The following CSNK1A1 variants were observed in gnomAD, a reference collection of about 807,000 sequenced individuals.
CSNK1A1 encodes the protein casein kinase I isoform alpha.
CSNK1A1 carries 7 observed loss-of-function variants against 46.1 expected under a neutral mutation model. The ratio of observed to expected loss-of-function variants is 0.15; its 90% CI spans 0.09 to 0.29. CSNK1A1 has a LOEUF of 0.29. CSNK1A1 is among the 10% of genes least tolerant of loss of function. CSNK1A1 has a pLI of 1.00. For synonymous variants in CSNK1A1, 137 were observed against 141.5 expected, an observed-to-expected ratio of 0.97 and a Z score of 0.23; for missense variants, 96 against 417.1, an observed-to-expected ratio of 0.23 and a Z score of 6.71.
At position 149,550,225 on chromosome 5, in the gene CSNK1A1, T is replaced by G; in HGVS notation, c.124-44A>C. 1 of 1,602,882 alleles carries G rather than the reference T, an allele frequency of 6.2e-7. No homozygotes were observed. Among genetic ancestry groups the G allele is most frequent in the South Asian group, 1.1e-5 (1 of 90,132 alleles). On this transcript the variant is annotated intron_variant, in intron 1 of 9. Transcript: ENST00000377843. This position sits in a 1 kb window ranked among gnomAD's most constrained non-coding sequence, Gnocchi z 4.3. ...ATGATGGCATCAACATCCCTACGGA[T>G]TCAATGTCACTTAGGAAAGGAGGGA...
chr5:149,495,742 C>CACAAAAAAA lies in CSNK1A1; in HGVS notation c.*1110_*1111insTTTTTTTGT, dbSNP rs1345896700. On this transcript the variant is annotated 3_prime_UTR_variant, in exon 10 of 10. Transcript: ENST00000377843. ...AGTACTAGATATTGTGCCTGCAAGT[C>CACAAAAAAA]ATAAAAAAAAAAAAAAAAAAAGAAA... 1.2e-5 allele frequency: 1 copy of CACAAAAAAA among 83,748 alleles called. No individual in the cohort carries two copies. The highest frequency in any genetic ancestry group is 4.9e-5 in the African/African-American group (1 of 20,342). 5.2% of individuals were successfully genotyped at this position (83,748 alleles called of 1,614,324 possible).
At chr5:149,497,973 A>T in intron 9 of CSNK1A1, 1 of 609,228 alleles carries the variant, frequency 1.6e-6, no homozygotes, top group Non-Finnish European at 2.1e-6. Flanking sequence ...AGCTGGGACT[A>T]TAGGTGCCTG....
At chr5:149,502,385 G>C (rs1483717096) in intron 9 of CSNK1A1, 15 of 858,134 alleles carry the variant, frequency 1.7e-5, no homozygotes, top group Non-Finnish European at 2.1e-5. Context: ...CTGTTGCCCA[G>C]GCTGGAGTGC....
intron 2 of CSNK1A1, among the ~76,000 whole-genome samples, chr5:149,530,356 T>C (rs189433745): frequency 6.6e-6 from 1 of 152,226 alleles, no homozygotes; most frequent in Non-Finnish European, 1.5e-5. Flanking sequence ...CATCTATTTA[T>C]CCCTAGTTCA....
At chr5:149,500,061 T>C (rs1760788778) in intron 9 of CSNK1A1, among the ~76,000 whole-genome samples, 1 of 143,794 alleles carries the variant, frequency 7.0e-6, no homozygotes, top group Non-Finnish European at 1.5e-5. Flanking sequence ...CTCCGTCTCC[T>C]GGGTTCACGC....
chr5:149,503,059 C>A, intron 9 of CSNK1A1: 1 of 985,316 alleles, frequency 1.0e-6, no homozygotes, highest in Non-Finnish European at 1.2e-6. Flanking sequence ...AGCCACTGCA[C>A]CCAGCTGAGT....
intron 2 of CSNK1A1, among the ~76,000 whole-genome samples, chr5:149,544,390 C>T (rs114224487): frequency 0.01 from 1,595 of 152,062 alleles, 23 homozygotes; most frequent in African/African-American, 0.037. Context: ...GGTCATTGCA[C>T]GGTGGCTGAT....
At chr5:149,549,003 G>A (rs1010162449) in intron 2 of CSNK1A1, among the ~76,000 whole-genome samples, 7 of 152,272 alleles carry the variant, frequency 4.6e-5, no homozygotes, top group Middle Eastern at 3.4e-3. Context: ...AATCCCAAAA[G>A]TTAAAACATT....
At chr5:149,503,522 G>A (rs1760935487) in intron 9 of CSNK1A1, 1 of 984,922 alleles carries the variant, frequency 1.0e-6, no homozygotes, top group Admixed American at 6.1e-5. Context: ...TCAAGTCCAT[G>A]TTTATGTGAT....
intron 4 of CSNK1A1, among the ~76,000 whole-genome samples, chr5:149,518,939 A>C (rs1432068670): frequency 6.6e-6 from 1 of 152,008 alleles, no homozygotes; most frequent in African/African-American, 2.4e-5. Flanking sequence ...CAGGAAGGAG[A>C]GGGCTGGGAA....
chr5:149,503,048 G>A (rs1369338013), intron 9 of CSNK1A1: 6 of 983,538 alleles, frequency 6.1e-6, no homozygotes, highest in African/African-American at 1.7e-5. Flanking sequence ...TAACAGGCGT[G>A]AGCCACTGCA....
intron 2 of CSNK1A1, among the ~76,000 whole-genome samples, chr5:149,534,622 T>C (rs901825854): frequency 1.3e-5 from 2 of 151,866 alleles, no homozygotes; most frequent in African/African-American, 4.8e-5. Flanking sequence ...GGTTTTACTG[T>C]GTCATTTCTC....
intron 2 of CSNK1A1, among the ~76,000 whole-genome samples, chr5:149,540,438 G>C (rs542345905): frequency 6.6e-6 from 1 of 152,078 alleles, no homozygotes; most frequent in Admixed American, 6.6e-5. Flanking sequence ...AGGAGAGCAA[G>C]GTAAAGATCT....
chr5:149,499,951 T>G (rs1561749461), intron 9 of CSNK1A1, among the ~76,000 whole-genome samples: 1 of 85,066 alleles, frequency 1.2e-5, no homozygotes, highest in Admixed American at 1.9e-4. Context: ...GGTTGTGGGG[T>G]TTTTTTTCTT....
intron 4 of CSNK1A1, among the ~76,000 whole-genome samples, chr5:149,514,777 A>G (rs916705420): frequency 4.6e-5 from 7 of 152,248 alleles, no homozygotes; most frequent in African/African-American, 1.7e-4. Flanking sequence ...CAGTAAAGAC[A>G]CTGACAGTTG....
At chr5:149,547,807 T>C (rs1303459804) in intron 2 of CSNK1A1, among the ~76,000 whole-genome samples, 1 of 152,164 alleles carries the variant, frequency 6.6e-6, no homozygotes, top group Non-Finnish European at 1.5e-5. Context: ...AATAGCACAT[T>C]TTATCACTCA....
intron 9 of CSNK1A1, chr5:149,502,986 G>A (rs753402621): frequency 1.1e-4 from 96 of 836,870 alleles, no homozygotes; most frequent in Non-Finnish European, 1.3e-4. Context: ...CCAGACTCTC[G>A]AACTCCTGGC....
rs1049551730 is a variant in CSNK1A1 at position 149,495,179 on chromosome 5, C to T, written c.*1674G>A. On this transcript the variant is annotated 3_prime_UTR_variant, in exon 10 of 10. Transcript: ENST00000377843. ...TCCCTTAATGGCAGAATGTGATAATCATGGAATTAATTATTGCTAAAGTAG... is the reference window on the plus strand; with the variant it reads ...TCCCTTAATGGCAGAATGTGATAATTATGGAATTAATTATTGCTAAAGTAG... 2 of 151,914 alleles carry T rather than the reference C, an allele frequency of 1.3e-5. No individual in the cohort carries two copies. The highest frequency in any genetic ancestry group is 2.9e-5 in the Non-Finnish European group (2 of 68,000). 9.4% of individuals were successfully genotyped at this position (151,914 alleles called of 1,614,324 possible).
Position 149,525,162 on chromosome 5 carries a change from A to C in CSNK1A1, c.240T>G (p.Gly80=). 6.2e-7 allele frequency: 1 copy of C among 1,601,656 alleles called. No individual in the cohort carries two copies. The highest frequency in any genetic ancestry group is 8.5e-7 in the Non-Finnish European group (1 of 1,176,144). The part of the protein sequence containing the change: ...GVGIPHIRWY[G]QEKDYNVLVM... ...CTAGTACATTGTAGTCTTTTTCCTG[A>C]CCATACCACCTAACGAAACAAAAGG... Residue 80 remains glycine, a synonymous_variant, in exon 3 of 10, where the codon GGT becomes GGG. Transcript: ENST00000377843. This position sits in a 1 kb window ranked among gnomAD's most constrained non-coding sequence, Gnocchi z 4.2.
Sources: allele counts gnomAD v4.1 joint callset (sites outside exome capture counted in the v4.1 genomes callset), GRCh38; gene constraint gnomAD v4.1.1; non-coding constraint Gnocchi (gnomAD v3.1); transcripts MANE v1.5; gene names NCBI Gene and HGNC (gene_info 2026-07-23, HGNC 2026-07-21).